Variants in C9orf72 observed in about 807,000 individuals in gnomAD.
The protein encoded by C9orf72 is guanine nucleotide exchange factor C9orf72.
Under a neutral mutation model 51.6 loss-of-function variants are expected in C9orf72, and 44 were observed. The observed-to-expected ratio is 0.85, with a 90% confidence interval of 0.67 to 1.10. C9orf72 has a LOEUF of 1.10. Ranked by LOEUF, C9orf72 falls within the 50% of genes least tolerant of loss-of-function variation. The probability of loss-of-function intolerance (pLI) is 0.00; values close to 1 mark genes in which losing one functional copy is unlikely to be tolerated. For missense variants in C9orf72, 607 were observed against 570.6 expected (o/e 1.06, Z -0.65); for synonymous variants, 213 against 194.2 (o/e 1.10, Z -0.81).
At chr9:27,555,461 A>G (rs1820989736) in intron 8 of C9orf72, among the ~76,000 whole-genome samples, 1 of 151,712 alleles carries the variant, frequency 6.6e-6, no homozygotes, top group Non-Finnish European at 1.5e-5. Context: ...GGTCAGGCTT[A>G]TTTGCCCCAA....
chr9:27,566,049 T>C (rs1368317899), intron 2 of C9orf72, among the ~76,000 whole-genome samples: 1 of 152,208 alleles, frequency 6.6e-6, no homozygotes, highest in African/African-American at 2.4e-5. Flanking sequence ...CTGGTAATGC[T>C]TAATGGACTT....
At chr9:27,557,369 T>C (rs1261285263) in intron 7 of C9orf72, among the ~76,000 whole-genome samples, 2 of 152,184 alleles carry the variant, frequency 1.3e-5, no homozygotes, top group African/African-American at 4.8e-5. Flanking sequence ...AATAACCTAC[T>C]GCGTATGAGG....
At chr9:27,551,346 C>A (rs1820904480) in intron 8 of C9orf72, among the ~76,000 whole-genome samples, 2 of 152,162 alleles carry the variant, frequency 1.3e-5, no homozygotes, top group African/African-American at 4.8e-5. Context: ...AACACAGCAC[C>A]TAGGATATAG....
chr9:27,561,357 C>G, intron 5 of C9orf72: 1 of 1,276,692 alleles, frequency 7.8e-7, no homozygotes, highest in Middle Eastern at 3.1e-4. Context: ...GATTTCTTGT[C>G]TGGGATGGAA....
At chr9:27,556,492 G>C (rs936434920) in intron 8 of C9orf72, 69 bp downstream of exon 8, 10 of 1,025,532 alleles carry the variant, frequency 9.8e-6, no homozygotes, top group Non-Finnish European at 1.5e-5. Context: ...CTTCTGTTTT[G>C]TTTTTATTCG....
At chr9:27,560,759 A>G (rs972709124) in intron 5 of C9orf72, 2 of 985,260 alleles carry the variant, frequency 2.0e-6, no homozygotes, top group East Asian at 2.3e-4. Flanking sequence ...GCCTAAAGGA[A>G]AAGACTGTGA....
intron 3 of C9orf72, among the ~76,000 whole-genome samples, chr9:27,564,662 G>A (rs1256990805): frequency 6.6e-6 from 1 of 151,888 alleles, no homozygotes; most frequent in Non-Finnish European, 1.5e-5. Context: ...CTGTATTATG[G>A]CCATGTATTT....
chr9:27,564,770 T>C lies in C9orf72; in HGVS notation c.504+761A>G, dbSNP rs535954714. On this transcript the variant is annotated intron_variant, in intron 3 of 10. Coordinates refer to ENST00000380003, the MANE Select transcript of C9orf72 (RefSeq NM_018325.5). ...AGGCAAAACAGCCATGTTTAAAATA[T>C]TGGAGTTTTACAAGGAGCATTGAGG... is the stretch of plus-strand genomic sequence containing the variant. 2.5e-4 allele frequency among the ~76,000 whole-genome samples: 38 copies of C among 152,242 alleles called. No homozygotes were observed. In the South Asian group the frequency reaches 3.3e-3, roughly 13 times the overall value.
At chr9:27,570,960 C>A (rs910437262) in intron 1 of C9orf72, among the ~76,000 whole-genome samples, 1 of 151,982 alleles carries the variant, frequency 6.6e-6, no homozygotes. Context: ...TAAATCCTAC[C>A]AAAAGAAATA....
In C9orf72 at chr9:27,561,596, G is replaced by A; in HGVS notation, c.654C>T (p.Gly218=). The A allele has an allele frequency of 6.2e-7, 1 of 1,612,316 alleles. No homozygotes were observed. The highest frequency in any genetic ancestry group is 8.5e-7 in the Non-Finnish European group (1 of 1,179,038). Residue 218 remains glycine, a synonymous_variant, in exon 5 of 11, where the codon GGC becomes GGT. Coordinates refer to ENST00000380003, the MANE Select transcript of C9orf72 (RefSeq NM_018325.5). ...DDDIGDSCHE[G]FLLNAISSHL... is the part of the protein sequence containing the mutation. ...AGAAAAATTCTTACTTGAGAAGAAA[G>A]CCTTCATGACAGCTGTCACCAATAT...
intron 8 of C9orf72, among the ~76,000 whole-genome samples, chr9:27,553,273 C>A (rs1439659421): frequency 6.6e-6 from 1 of 151,980 alleles, no homozygotes; most frequent in Non-Finnish European, 1.5e-5. Flanking sequence ...CAATCCTAAG[C>A]AAAAAGAACA....
At chr9:27,563,168 A>G (rs1360878777) in intron 3 of C9orf72, among the ~76,000 whole-genome samples, 2 of 152,230 alleles carry the variant, frequency 1.3e-5, no homozygotes, top group African/African-American at 4.8e-5. Context: ...TCATAAAAGT[A>G]TAATCTACCC....
intron 1 of C9orf72, among the ~76,000 whole-genome samples, chr9:27,570,845 G>A (rs1819571113): frequency 6.6e-6 from 1 of 151,908 alleles, no homozygotes; most frequent in Admixed American, 6.6e-5. Flanking sequence ...CTCCAGCCTG[G>A]GCGACAGAGA....
In C9orf72 at chr9:27,548,620, G is replaced by GC. The variant is rs1820833355; in HGVS notation, c.1195dup (p.Ala399GlyfsTer30). 1 of 1,612,638 alleles carries GC rather than the reference G, an allele frequency of 6.2e-7. No homozygotes were observed. Among genetic ancestry groups the GC allele is most frequent in the African/African-American group, 1.3e-5 (1 of 74,894 alleles). ...TCTGTGAAGGACAAGTAGAAACTGTGCAAGGAAAGTACTTCTGAGAGATAA... is the reference window on the plus strand; with the variant it reads ...TCTGTGAAGGACAAGTAGAAACTGTGCCAAGGAAAGTACTTCTGAGAGATAA... On this transcript the variant is annotated frameshift_variant, in exon 10 of 11. Coordinates refer to ENST00000380003, the MANE Select transcript of C9orf72 (RefSeq NM_018325.5). LOFTEE classifies it high-confidence loss of function.
At chr9:27,558,188 T>C (rs4879566) in intron 7 of C9orf72, among the ~76,000 whole-genome samples, 36,392 of 150,646 alleles carry the variant, frequency 0.24, 4,686 homozygotes, top group East Asian at 0.31. Context: ...TAAAAAGAAA[T>C]GATCTTATTT....
chr9:27,557,390 TGAACA>T (rs1417261776), intron 7 of C9orf72, among the ~76,000 whole-genome samples: 11 of 152,300 alleles, frequency 7.2e-5, no homozygotes, highest in African/African-American at 2.2e-4. Flanking sequence ...CACTGTGCTA[TGAACA>T]GAACAGAAGA....
At chr9:27,550,552 CAG>C in intron 9 of C9orf72, 96 bp downstream of exon 9, 1 of 719,546 alleles carries the variant, frequency 1.4e-6, no homozygotes, top group Non-Finnish European at 2.3e-6. Context: ...GGGCATGATC[CAG>C]GGGAATATAA....
rs746566978 is a variant in C9orf72, at chr9:27,556,642, G to A, written c.1010C>T (p.Thr337Ile). ...NQRRYMRSEL[T>I]AFWRATSEED... ...TTCTGAAGTGGCTCTCCAGAAGGCT[G>A]TCAGCTCGGATCTCATGTATCTACG... The change falls in exon 8 of 11, where the codon ACA becomes ATA. Residue 337 changes from threonine to isoleucine, a missense_variant. Physicochemically the swap from Thr to Ile is moderately conservative, Grantham distance 89. Coordinates refer to ENST00000380003, the MANE Select transcript of C9orf72 (RefSeq NM_018325.5). 6 of 1,613,938 alleles carry A rather than the reference G, an allele frequency of 3.7e-6. No homozygotes were observed. In the East Asian group the frequency reaches 1.3e-4, roughly 36 times the overall value.
chr9:27,565,464 T>C (rs1819445909), intron 3 of C9orf72, 67 bp downstream of exon 3: 1 of 1,015,390 alleles, frequency 9.8e-7, no homozygotes, highest in African/African-American at 1.6e-5. Flanking sequence ...TTGACAAATG[T>C]AGCCATCAAC....
Sources: allele counts gnomAD v4.1 joint callset (sites outside exome capture counted in the v4.1 genomes callset), GRCh38; gene constraint gnomAD v4.1.1; transcripts MANE v1.5; gene names NCBI Gene and HGNC (gene_info 2026-07-23, HGNC 2026-07-21).